The following SPG11 variants were observed in gnomAD, a reference collection of about 807,000 sequenced individuals.
SPG11 encodes SPG11 vesicle trafficking associated, spatacsin.
Under a neutral mutation model 274.0 loss-of-function variants are expected in SPG11, and 222 were observed. That is an observed-to-expected ratio of 0.81 (90% CI 0.73 to 0.91). SPG11 has a LOEUF of 0.91. Ranked by LOEUF, SPG11 falls within the 40% of genes least tolerant of loss-of-function variation. SPG11 has a pLI of 0.00. For synonymous variants in SPG11, 1,144 were observed against 1,039.7 expected (o/e 1.10, Z -1.93); for missense variants, 3,114 against 2,872.7 (o/e 1.08, Z -1.92).
At chr15:44,564,524 T>C (rs777262337) in intron 39 of SPG11, 23 bp downstream of exon 39, 1 of 1,612,088 alleles carries the variant, frequency 6.2e-7, no homozygotes, top group Non-Finnish European at 8.5e-7. Context: ...GAGCAATGTT[T>C]ACAGTCAACT....
At chr15:44,611,515 G>A (rs2083459403) in intron 17 of SPG11, among the ~76,000 whole-genome samples, 2 of 152,102 alleles carry the variant, frequency 1.3e-5, no homozygotes, top group Non-Finnish European at 2.9e-5. Flanking sequence ...AGTGAGTAGA[G>A]ACTAGGACTT....
intron 30 of SPG11, 42 bp from the exon 31 acceptor site, chr15:44,575,083 T>C (rs1567132842): frequency 3.7e-6 from 6 of 1,611,294 alleles, no homozygotes; most frequent in Non-Finnish European, 5.1e-6. Context: ...AGCTGGGAGG[T>C]TCTGGCCTCT....
At chr15:44,649,686 G>C (rs2084708067) in intron 6 of SPG11, among the ~76,000 whole-genome samples, 1 of 152,148 alleles carries the variant, frequency 6.6e-6, no homozygotes, top group Non-Finnish European at 1.5e-5. Context: ...GAGGTCAGGA[G>C]TTTGGGACCA....
At chr15:44,617,689 T>C (rs1455560668) in intron 15 of SPG11, among the ~76,000 whole-genome samples, 1 of 152,184 alleles carries the variant, frequency 6.6e-6, no homozygotes, top group Non-Finnish European at 1.5e-5. Flanking sequence ...TTTGTTGTTT[T>C]TTTTGAGATG....
At chr15:44,620,446 C>A (rs757920991) in intron 14 of SPG11, 43 bp from the exon 15 acceptor site, 21 of 1,368,786 alleles carry the variant, frequency 1.5e-5, no homozygotes, top group Non-Finnish European at 2.2e-5. Context: ...TTAATTATGT[C>A]TATTGACATG....
At chr15:44,574,339 G>A (rs2082489544) in intron 31 of SPG11, among the ~76,000 whole-genome samples, 1 of 152,086 alleles carries the variant, frequency 6.6e-6, no homozygotes, top group Non-Finnish European at 1.5e-5. Context: ...TAAGAACACC[G>A]ACTAAAATAC....
chr15:44,611,469 T>TA (rs1402568706), intron 17 of SPG11, among the ~76,000 whole-genome samples: 4 of 152,172 alleles, frequency 2.6e-5, no homozygotes, highest in Admixed American at 6.6e-5. Context: ...AGCAGTAATT[T>TA]AAAAAAACTC....
At chr15:44,634,127 C>T (rs2084166970) in intron 7 of SPG11, among the ~76,000 whole-genome samples, 2 of 152,166 alleles carry the variant, frequency 1.3e-5, no homozygotes, top group South Asian at 4.1e-4. Context: ...GTACAAGCCA[C>T]TGCGCCTGGC....
intron 38 of SPG11, 30 bp downstream of exon 38, chr15:44,565,824 G>C (rs1220245937): frequency 1.2e-6 from 2 of 1,613,482 alleles, no homozygotes; most frequent in South Asian, 1.1e-5. Flanking sequence ...GATGCTAGCA[G>C]TGCTGGCTAC....
chr15:44,593,870 C>CA (rs1354194962), intron 26 of SPG11, among the ~76,000 whole-genome samples: 1 of 151,012 alleles, frequency 6.6e-6, no homozygotes, highest in Non-Finnish European at 1.5e-5. Context: ...TCTCGTGCCT[C>CA]AGCTTCCCAA....
chr15:44,649,720 C>T (rs371014638), intron 6 of SPG11, among the ~76,000 whole-genome samples: 40 of 152,082 alleles, frequency 2.6e-4, no homozygotes, highest in South Asian at 6.2e-4. Context: ...GATGAAACCC[C>T]GTCTCTACCA....
intron 1 of SPG11, among the ~76,000 whole-genome samples, chr15:44,662,413 G>A (rs2085138402): frequency 6.6e-6 from 1 of 152,094 alleles, no homozygotes; most frequent in Non-Finnish European, 1.5e-5. Flanking sequence ...GCTCACACCT[G>A]TAATCCCAAC....
intron 6 of SPG11, among the ~76,000 whole-genome samples, chr15:44,649,721 G>A (rs745855459): frequency 1.1e-4 from 16 of 151,702 alleles, no homozygotes; most frequent in Non-Finnish European, 2.1e-4. Context: ...ATGAAACCCC[G>A]TCTCTACCAA....
intron 30 of SPG11, among the ~76,000 whole-genome samples, chr15:44,580,909 A>G (rs1325367231): frequency 6.6e-6 from 1 of 152,218 alleles, no homozygotes; most frequent in Admixed American, 6.5e-5. Flanking sequence ...TGCTGAGAAA[A>G]TATTTGACAA....
intron 23 of SPG11, 42 bp from the exon 24 acceptor site, chr15:44,596,985 A>G (rs1280796678): frequency 3.8e-6 from 6 of 1,599,458 alleles, no homozygotes; most frequent in Non-Finnish European, 5.1e-6. Context: ...AGAAAAAACA[A>G]AAAACTCATT....
chr15:44,627,984 T>G (rs949370856), intron 10 of SPG11, among the ~76,000 whole-genome samples: 2 of 152,206 alleles, frequency 1.3e-5, no homozygotes, highest in African/African-American at 4.8e-5. Flanking sequence ...AACAGCAATC[T>G]TAACAACCTA....
chr15:44,602,521 C>A (rs975579029), intron 20 of SPG11, among the ~76,000 whole-genome samples: 3 of 151,536 alleles, frequency 2.0e-5, no homozygotes, highest in African/African-American at 4.9e-5. Flanking sequence ...CTCTGTTGCC[C>A]AGGCTGGAGT....
Position 44,620,398 on chromosome 15 carries a change from T to C in SPG11, c.2626A>G (p.Lys876Glu), listed in dbSNP as rs565512325. 89 of 1,610,158 alleles carry C rather than the reference T, an allele frequency of 5.5e-5. 2 individuals are homozygous for C. The South Asian group carries it at 9.8e-4, about 18-fold the overall frequency. The change falls in exon 15 of 40, where the codon AAA becomes GAA. Residue 876 changes from lysine (K) to glutamate (E), a missense_variant. Lys to Glu is a moderately conservative substitution (Grantham distance 56, BLOSUM62 1). Transcript: ENST00000261866. ...LLPRISPEEY[K>E]SYSPEALWRY... ...CAGAGGGCTTCAGGGGAATATGATT[T>C]GTATTCTACATGAAAAAAAACACAT...
At chr15:44,584,657 C>T (rs963683763) in intron 29 of SPG11, 99 bp from the exon 30 acceptor site, 1 of 1,399,614 alleles carries the variant, frequency 7.1e-7, no homozygotes, top group African/African-American at 1.4e-5. Flanking sequence ...TGGACAGGGT[C>T]TCAGTCTGTC....
Sources: allele counts gnomAD v4.1 joint callset (sites outside exome capture counted in the v4.1 genomes callset), GRCh38; gene constraint gnomAD v4.1.1; transcripts MANE v1.5; gene names NCBI Gene and HGNC (gene_info 2026-07-23, HGNC 2026-07-21).